Variants in SMYD3 observed in about 807,000 individuals in gnomAD.
The protein encoded by SMYD3 is histone-lysine N-methyltransferase SMYD3.
A neutral mutation model predicts 57.7 loss-of-function variants in SMYD3; 36 were observed. The ratio of observed to expected loss-of-function variants is 0.62; its 90% CI spans 0.48 to 0.82. SMYD3 has a LOEUF of 0.82. Ranked by LOEUF, SMYD3 falls within the 40% of genes least tolerant of loss-of-function variation. SMYD3 has a pLI of 0.00. For missense variants in SMYD3, 515 were observed against 538.8 expected, an observed-to-expected ratio of 0.96 and a Z score of 0.44; for synonymous variants, 211 against 195.0, an observed-to-expected ratio of 1.08 and a Z score of -0.68.
chr1:245,941,708 A>G (rs1328787997), intron 5 of SMYD3, among the ~76,000 whole-genome samples: 3 of 152,080 alleles, frequency 2.0e-5, no homozygotes, highest in Admixed American at 6.6e-5. Context: ...TTTTTAGTAG[A>G]GACAGGTTTT....
In SMYD3 at chr1:246,202,825, G is replaced by A. The variant is rs1314899315; in HGVS notation, c.531+124376C>T. Among the ~76,000 whole-genome samples the A allele has an allele frequency of 1.3e-5, 2 of 152,010 alleles. No homozygotes were observed. Among genetic ancestry groups the A allele is most frequent in the East Asian group, 1.9e-4 (1 of 5,184 alleles). On this transcript the variant is annotated intron_variant, in intron 5 of 11. Coordinates refer to ENST00000490107, the MANE Select transcript of SMYD3 (RefSeq NM_001167740.2). The surrounding 1 kb of genome is among the most constrained non-coding windows in gnomAD (Gnocchi z 4.1). ...AACCCAATCACTCCTCCACCTCTTC[G>A]CCCAGAAAATAAAGTCTGGAGGCTG... is the stretch of plus-strand genomic sequence containing the variant.
intron 1 of SMYD3, among the ~76,000 whole-genome samples, chr1:246,436,263 C>CT (rs1008923851): frequency 6.7e-6 from 1 of 149,910 alleles, no homozygotes; most frequent in Non-Finnish European, 1.5e-5. Flanking sequence ...GAAACATGGA[C>CT]TTAAACAAAA....
At chr1:246,369,173 G>GT (rs2066153895) in intron 1 of SMYD3, among the ~76,000 whole-genome samples, 1 of 152,020 alleles carries the variant, frequency 6.6e-6, no homozygotes, top group Admixed American at 6.6e-5. Flanking sequence ...GAAGTGCTCG[G>GT]TAACTATTAC....
At position 246,196,994 on chromosome 1, in the gene SMYD3, G is replaced by GA. The variant is rs966464973; in HGVS notation, c.531+130206dup. Among the ~76,000 whole-genome samples, 277 of 128,824 alleles carry GA rather than the reference G, an allele frequency of 2.2e-3. 1 individual carries two copies. Among genetic ancestry groups the GA allele is most frequent in the East Asian group, 0.017 (72 of 4,132 alleles). The allele number at this position is 128,824 out of a possible 152,430, so 84.5% of individuals were successfully genotyped here. On this transcript the variant is annotated intron_variant, in intron 5 of 11. Coordinates refer to ENST00000490107, the MANE Select transcript of SMYD3 (RefSeq NM_001167740.2). ...TGCCAGAAAGTGAGGAGGTGCTAAA[G>GA]AAAAAAAAAAACAACTCTGCAATGA...
chr1:246,284,620 G>T (rs964763335), intron 5 of SMYD3, among the ~76,000 whole-genome samples: 4 of 151,470 alleles, frequency 2.6e-5, no homozygotes, highest in African/African-American at 9.7e-5. Context: ...GTTTCACCAT[G>T]TTAGCCAAGA....
At chr1:246,391,809 G>A (rs6426298) in intron 1 of SMYD3, among the ~76,000 whole-genome samples, 63,282 of 151,848 alleles carry the variant, frequency 0.42, 13,511 homozygotes, top group Admixed American at 0.51. Flanking sequence ...TGGTACTCCC[G>A]TCTCCAGCTG....
At chr1:246,344,002 C>T (rs1274729291) in intron 2 of SMYD3, among the ~76,000 whole-genome samples, 1 of 152,066 alleles carries the variant, frequency 6.6e-6, no homozygotes, top group African/African-American at 2.4e-5. Context: ...ATGGCAAAAA[C>T]CACAGTTACG....
intron 1 of SMYD3, among the ~76,000 whole-genome samples, chr1:246,392,931 A>G (rs540996930): frequency 1.3e-5 from 2 of 152,226 alleles, no homozygotes; most frequent in Admixed American, 6.5e-5. Flanking sequence ...TCAAAACCAC[A>G]AAGACAGGCG....
intron 5 of SMYD3, among the ~76,000 whole-genome samples, chr1:246,197,893 AAC>A (rs1049211648): frequency 2.6e-5 from 4 of 152,234 alleles, no homozygotes; most frequent in South Asian, 2.1e-4. Context: ...AAAAAATTTA[AAC>A]AGTCTTTCCA....
At chr1:246,261,334 A>G (rs2486846) in intron 5 of SMYD3, among the ~76,000 whole-genome samples, 2,240 of 148,682 alleles carry the variant, frequency 0.015, 38 homozygotes, top group African/African-American at 0.035. Context: ...TGGGATTACA[A>G]GCATGAGCCA....
At chr1:245,841,455 CT>C (rs2050396652) in intron 10 of SMYD3, among the ~76,000 whole-genome samples, 1 of 152,264 alleles carries the variant, frequency 6.6e-6, no homozygotes, top group South Asian at 2.1e-4. Flanking sequence ...ACCTACTGGC[CT>C]TTATTGTGTA....
At chr1:246,345,926 G>A (rs1405593752) in intron 2 of SMYD3, among the ~76,000 whole-genome samples, 2 of 152,092 alleles carry the variant, frequency 1.3e-5, no homozygotes, top group Non-Finnish European at 2.9e-5. Context: ...CCTAAACTGA[G>A]AAACACCTAT....
chr1:246,089,687 C>T (rs778225411), intron 5 of SMYD3, among the ~76,000 whole-genome samples: 2 of 152,152 alleles, frequency 1.3e-5, no homozygotes, highest in Non-Finnish European at 2.9e-5. Context: ...TTTTCAACTA[C>T]TCAACCAAAA....
At chr1:245,970,689 A>C (rs1247439990) in intron 5 of SMYD3, among the ~76,000 whole-genome samples, 1 of 152,206 alleles carries the variant, frequency 6.6e-6, no homozygotes, top group Non-Finnish European at 1.5e-5. Flanking sequence ...GTGGCCAAAA[A>C]TTATGAAAAA....
In SMYD3 at chr1:246,133,183, T is replaced by C. The variant is rs557401216; in HGVS notation, c.531+194018A>G. On this transcript the variant is annotated intron_variant, in intron 5 of 11. Transcript: ENST00000490107. ...ATAGTATCTAGTATAGTATCTAGAA[T>C]ATATAAAGAACTCTCAAAACTCAAG... Among the ~76,000 whole-genome samples the C allele has an allele frequency of 5.9e-5, 9 of 152,140 alleles. No homozygotes were observed. In the South Asian group the frequency reaches 1.7e-3, roughly 28 times the overall value.
chr1:246,271,916 C>A (rs879532335), intron 5 of SMYD3, among the ~76,000 whole-genome samples: 1 of 152,164 alleles, frequency 6.6e-6, no homozygotes, highest in Non-Finnish European at 1.5e-5. Flanking sequence ...ATTAAATCTT[C>A]CAGTTCACAA....
intron 8 of SMYD3, among the ~76,000 whole-genome samples, chr1:245,872,508 T>C (rs2052261423): frequency 6.6e-6 from 1 of 151,886 alleles, no homozygotes; most frequent in Non-Finnish European, 1.5e-5. Context: ...GAGAGAGCCT[T>C]CTCCCGTCGG....
At position 245,930,237 on chromosome 1, in the gene SMYD3, TAC is replaced by T. The variant is rs144704607; in HGVS notation, c.532-302_532-301del. On this transcript the variant is annotated intron_variant, in intron 5 of 11. Coordinates refer to ENST00000490107, the MANE Select transcript of SMYD3 (RefSeq NM_001167740.2). ...GTCTCATTATCCACTACCCCAAAGTTACAGTTACATGAACTGTTCAAAATCCA... is the reference window on the plus strand; with the variant it reads ...GTCTCATTATCCACTACCCCAAAGTTAGTTACATGAACTGTTCAAAATCCA... 5.0e-3 allele frequency: 2,241 copies of T among 447,244 alleles called. 42 individuals carry two copies. The highest frequency in any genetic ancestry group is 0.041 in the African/African-American group (2,023 of 49,114). 27.7% of individuals were successfully genotyped at this position (447,244 alleles called of 1,614,324 possible).
At chr1:246,009,167 C>T (rs544913546) in intron 5 of SMYD3, among the ~76,000 whole-genome samples, 10 of 152,294 alleles carry the variant, frequency 6.6e-5, no homozygotes, top group Non-Finnish European at 1.0e-4. Context: ...TGTGAAACCA[C>T]GCTCAAAGTA....
Sources: gnomAD v4.1 joint callset for allele counts (sites outside exome capture counted in the v4.1 genomes callset) on GRCh38, gnomAD v4.1.1 for gene constraint, Gnocchi (gnomAD v3.1) non-coding constraint, MANE v1.5 for transcripts, NCBI Gene and HGNC (gene_info 2026-07-23, HGNC 2026-07-21) for gene names.